Variants in LRRC7 observed in about 807,000 individuals in gnomAD.
LRRC7 encodes leucine-rich repeat-containing protein 7.
In LRRC7, 23 loss-of-function variants were observed where a neutral mutation model predicts 175.7. The observed-to-expected ratio is 0.13, with a 90% CI of 0.09 to 0.19. The LOEUF is 0.19. Ranked by LOEUF, LRRC7 falls within the 10% of genes least tolerant of loss-of-function variation. LRRC7 has a pLI of 1.00. For missense variants in LRRC7, 1,354 were observed against 1,904.7 expected, an observed-to-expected ratio of 0.71 and a Z score of 5.38; for synonymous variants, 685 against 680.9, an observed-to-expected ratio of 1.01 and a Z score of -0.09.
intron 2 of LRRC7, among the ~76,000 whole-genome samples, chr1:69,751,521 G>T (rs558553427): frequency 1.3e-5 from 2 of 152,088 alleles, no homozygotes; most frequent in Non-Finnish European, 2.9e-5. Flanking sequence ...AGAATTAAGA[G>T]AATTAAAGTA....
intron 8 of LRRC7, among the ~76,000 whole-genome samples, chr1:69,964,350 G>A (rs1208135490): frequency 6.6e-6 from 1 of 152,128 alleles, no homozygotes; most frequent in Admixed American, 6.6e-5. Flanking sequence ...TGAGGAAACT[G>A]AGCCAAGATA....
rs1335438256 is a variant in LRRC7 at position 70,120,719 on chromosome 1, C to A, written c.4621-1061C>A. On this transcript the variant is annotated intron_variant, in intron 26 of 26. Coordinates refer to ENST00000651989, the MANE Select transcript of LRRC7 (RefSeq NM_001370785.2). ...TCCATTGAAAATTGAAGAAGTCAAC[C>A]AGTGAACTGGCTCTGTTACCTCTAT... is the stretch of plus-strand genomic sequence containing the variant. Among the ~76,000 whole-genome samples, 6 of 152,094 alleles carry A rather than the reference C, an allele frequency of 3.9e-5. No homozygotes were observed. The South Asian group carries it at 6.2e-4, about 16-fold the overall frequency.
intron 5 of LRRC7, among the ~76,000 whole-genome samples, chr1:69,833,877 C>T (rs1226105195): frequency 6.6e-6 from 1 of 151,800 alleles, no homozygotes; most frequent in East Asian, 1.9e-4. Context: ...GATTTTTAAA[C>T]AAGTAAATGC....
intron 2 of LRRC7, among the ~76,000 whole-genome samples, chr1:69,725,235 G>GTC (rs1666819234): frequency 6.6e-6 from 1 of 152,110 alleles, no homozygotes; most frequent in Non-Finnish European, 1.5e-5. Context: ...CTTCATCCTT[G>GTC]TCTTCACATT....
intron 21 of LRRC7, among the ~76,000 whole-genome samples, chr1:70,040,396 AG>A (rs1416046691): frequency 6.6e-6 from 1 of 152,248 alleles, no homozygotes; most frequent in Non-Finnish European, 1.5e-5. Context: ...GTTTTTATAT[AG>A]AAAGAAATAT....
At position 69,696,950 on chromosome 1, in the gene LRRC7, A is replaced by G. The variant is rs113234184; in HGVS notation, c.100+18472A>G. 7.1e-3 allele frequency among the ~76,000 whole-genome samples: 1,082 copies of G among 152,322 alleles called. 18 individuals carry two copies. Among genetic ancestry groups the G allele is most frequent in the African/African-American group, 0.024 (1,016 of 41,578 alleles). ...TACCCAGCTTCAGGTATTCCTTTAT[A>G]TGAATGCAAATGGACTAACACATCT... On this transcript the variant is annotated intron_variant, in intron 2 of 26. Transcript: ENST00000651989.
chr1:70,095,999 T>C (rs1327474633), intron 25 of LRRC7, among the ~76,000 whole-genome samples: 2 of 152,094 alleles, frequency 1.3e-5, no homozygotes, highest in African/African-American at 4.8e-5. Flanking sequence ...TTTTTTGAGA[T>C]GGAGTCTGGC....
intron 2 of LRRC7, among the ~76,000 whole-genome samples, chr1:69,690,501 G>A (rs750700740): frequency 1.3e-5 from 2 of 152,140 alleles, no homozygotes; most frequent in Non-Finnish European, 2.9e-5. Context: ...GTTATTTGAT[G>A]AAGGATTTTT....
rs1666414170 is a variant in LRRC7, at chr1:70,125,682, C to G, written c.*3795C>G. ...TGGCGGGCGCCTGTAGTCCCAGCTA[C>G]TTGGGAGGCTGAGGCAGGAGAATGG... On this transcript the variant is annotated 3_prime_UTR_variant, in exon 27 of 27. Coordinates refer to ENST00000651989, the MANE Select transcript of LRRC7 (RefSeq NM_001370785.2). Among the ~76,000 whole-genome samples the G allele has an allele frequency of 6.8e-6, 1 of 146,248 alleles. No individual in the cohort carries two copies. The highest frequency in any genetic ancestry group is 1.5e-5 in the Non-Finnish European group (1 of 66,358).
At position 70,142,144 on chromosome 1, in the gene LRRC7, C is replaced by CATTA. The variant is rs1644331261; in HGVS notation, c.*20261_*20264dup. ...CAGCTCCCATATCTGCTAGAAAGGT[C>CATTA]ATTAATTTTCAGAATATATTGTTGA... On this transcript the variant is annotated 3_prime_UTR_variant, in exon 27 of 27. Transcript: ENST00000651989. 6.6e-6 allele frequency: 1 copy of CATTA among 152,064 alleles called. No individual in the cohort carries two copies. The highest frequency in any genetic ancestry group is 1.5e-5 in the Non-Finnish European group (1 of 67,956). The allele number at this position is 152,064 out of a possible 1,614,324, so 9.4% of individuals were successfully genotyped here. A position where few individuals can be genotyped will look rare whatever the true frequency, so the allele number is the denominator to read the frequency against.
chr1:69,782,857 G>C (rs1320824312), intron 3 of LRRC7, among the ~76,000 whole-genome samples: 1 of 152,106 alleles, frequency 6.6e-6, no homozygotes, highest in East Asian at 1.9e-4. Context: ...CCCTGAAATT[G>C]GTTGCAAATG....
intron 2 of LRRC7, among the ~76,000 whole-genome samples, chr1:69,717,872 A>G (rs528029529): frequency 7.1e-6 from 1 of 140,308 alleles, no homozygotes; most frequent in Non-Finnish European, 1.6e-5. Flanking sequence ...GAAAGAAAGA[A>G]AGAAAGAGAG....
At chr1:69,674,395 A>G (rs905370289) in intron 1 of LRRC7, among the ~76,000 whole-genome samples, 1 of 152,186 alleles carries the variant, frequency 6.6e-6, no homozygotes, top group Non-Finnish European at 1.5e-5. Context: ...CATCTTTAAA[A>G]TATTCTTTCA....
intron 1 of LRRC7, among the ~76,000 whole-genome samples, chr1:69,674,273 T>C (rs140864192): frequency 2.7e-4 from 41 of 152,304 alleles, no homozygotes; most frequent in African/African-American, 9.6e-4. Context: ...AATAATGGAC[T>C]AAGAAGCAAC....
At chr1:69,754,786 T>C (rs941145325) in intron 2 of LRRC7, among the ~76,000 whole-genome samples, 1 of 151,948 alleles carries the variant, frequency 6.6e-6, no homozygotes, top group Non-Finnish European at 1.5e-5. Flanking sequence ...TTGTAAGTTG[T>C]GAGATGCCTA....
intron 11 of LRRC7, among the ~76,000 whole-genome samples, chr1:69,999,222 T>C (rs911389089): frequency 6.6e-6 from 1 of 152,172 alleles, no homozygotes; most frequent in Non-Finnish European, 1.5e-5. Context: ...TACTACTGTA[T>C]TCAAAAGGAA....
chr1:70,082,152 A>T (rs937940293), intron 24 of LRRC7, among the ~76,000 whole-genome samples: 7 of 152,204 alleles, frequency 4.6e-5, no homozygotes, highest in Admixed American at 4.6e-4. Flanking sequence ...TGAGGACTTC[A>T]TTTATTGTGT....
Position 69,865,976 on chromosome 1 carries a change from A to G in LRRC7, c.647+27693A>G, listed in dbSNP as rs149020632. 2.1e-4 allele frequency among the ~76,000 whole-genome samples: 32 copies of G among 152,292 alleles called. No homozygotes were observed. In the East Asian group the frequency reaches 4.8e-3, roughly 23 times the overall value. On this transcript the variant is annotated intron_variant, in intron 7 of 26. Coordinates refer to ENST00000651989, the MANE Select transcript of LRRC7 (RefSeq NM_001370785.2). ...AAAGTTTGGAAAGAAATAGTTAACTATGTCTGAAGGTACCTGTAACTTTCA... is the reference window on the plus strand; with the variant it reads ...AAAGTTTGGAAAGAAATAGTTAACTGTGTCTGAAGGTACCTGTAACTTTCA...
At chr1:69,907,213 C>A (rs1037489541) in intron 7 of LRRC7, among the ~76,000 whole-genome samples, 9 of 152,162 alleles carry the variant, frequency 5.9e-5, no homozygotes, top group Non-Finnish European at 8.8e-5. Flanking sequence ...CAAACAGGGA[C>A]AATTTGACTT....
Sources: gnomAD v4.1 joint callset for allele counts (sites outside exome capture counted in the v4.1 genomes callset) on GRCh38, gnomAD v4.1.1 for gene constraint, MANE v1.5 for transcripts, NCBI Gene and HGNC (gene_info 2026-07-23, HGNC 2026-07-21) for gene names.